GPC6: variants seen among roughly 807,000 people sequenced by gnomAD.
The protein encoded by GPC6 is glypican-6.
In GPC6, 14 loss-of-function variants were observed where a neutral mutation model predicts 55.2. The observed-to-expected ratio is 0.25, with a 90% CI of 0.17 to 0.40. The LOEUF (loss-of-function observed/expected upper bound fraction) is 0.40, where lower values mean the gene tolerates loss of function less well. GPC6 is among the 10% of genes least tolerant of loss of function. GPC6 has a pLI of 1.00. For missense variants in GPC6, 641 were observed against 708.5 expected (o/e 0.90, Z 1.08); for synonymous variants, 278 against 259.6 (o/e 1.07, Z -0.68).
In GPC6 at chr13:94,403,541, G is replaced by GTT. The variant is rs35614368; in HGVS notation, c.*333_*334dup. 3,231 of 254,866 alleles carry GTT rather than the reference G, an allele frequency of 0.013. 6 individuals are homozygous for GTT. The highest frequency in any genetic ancestry group is 0.031 in the East Asian group (298 of 9,732). The allele number at this position is 254,866 out of a possible 1,614,324, so 15.8% of individuals were successfully genotyped here. A position where few individuals can be genotyped will look rare whatever the true frequency, so the allele number is the denominator to read the frequency against. ...AGTAAAGGAATCTCACGTTGTGAGG[G>GTT]TTTTTTTTTTCTCATTTAAAATAAA... On this transcript the variant is annotated 3_prime_UTR_variant, in exon 9 of 9. Coordinates refer to ENST00000377047, the MANE Select transcript of GPC6 (RefSeq NM_005708.5).
At chr13:93,759,828 C>T (rs1183471565) in intron 2 of GPC6, among the ~76,000 whole-genome samples, 1 of 151,800 alleles carries the variant, frequency 6.6e-6, no homozygotes, top group Non-Finnish European at 1.5e-5. Context: ...TTCTTGGGGA[C>T]ACAGGTCTGG....
intron 2 of GPC6, among the ~76,000 whole-genome samples, chr13:93,744,170 G>A (rs1273773191): frequency 2.6e-5 from 4 of 152,100 alleles, no homozygotes; most frequent in Middle Eastern, 3.4e-3. Flanking sequence ...CTCTCCCGGC[G>A]GTTAACATTG....
intron 4 of GPC6, among the ~76,000 whole-genome samples, chr13:94,129,325 A>G (rs1886933429): frequency 6.6e-6 from 1 of 152,004 alleles, no homozygotes; most frequent in Non-Finnish European, 1.5e-5. Flanking sequence ...GCCTCTCTAT[A>G]AGCAGGGAAT....
At chr13:94,322,960 T>A (rs1876912517) in intron 6 of GPC6, among the ~76,000 whole-genome samples, 1 of 152,160 alleles carries the variant, frequency 6.6e-6, no homozygotes, top group Non-Finnish European at 1.5e-5. Context: ...CACATGTGTA[T>A]TTTGTTTCAT....
chr13:93,495,418 C>T (rs369230763), intron 1 of GPC6, among the ~76,000 whole-genome samples: 19,693 of 116,148 alleles, frequency 0.17, 1,847 homozygotes, highest in Middle Eastern at 0.25. Context: ...TCTAGTTATA[C>T]ATTCTTCTAA....
chr13:93,825,100 G>A (rs1413986849), intron 2 of GPC6, among the ~76,000 whole-genome samples: 1 of 152,114 alleles, frequency 6.6e-6, no homozygotes, highest in Non-Finnish European at 1.5e-5. Flanking sequence ...TCTATTAGTA[G>A]ACCTTGGAAT....
At chr13:93,510,476 G>A (rs1594224987) in intron 1 of GPC6, among the ~76,000 whole-genome samples, 1 of 152,140 alleles carries the variant, frequency 6.6e-6, no homozygotes, top group East Asian at 1.9e-4. Context: ...TTCCATCCAT[G>A]TTGCTGCAAA....
intron 2 of GPC6, among the ~76,000 whole-genome samples, chr13:93,557,673 A>G (rs1875554837): frequency 6.6e-6 from 1 of 152,152 alleles, no homozygotes; most frequent in Admixed American, 6.5e-5. Flanking sequence ...CCCCCTACAA[A>G]TAGCAGATTA....
At chr13:93,613,901 A>C (rs1878601050) in intron 2 of GPC6, among the ~76,000 whole-genome samples, 1 of 152,126 alleles carries the variant, frequency 6.6e-6, no homozygotes, top group Non-Finnish European at 1.5e-5. Context: ...TGCAGAAATG[A>C]TGTTTCTTTT....
intron 1 of GPC6, among the ~76,000 whole-genome samples, chr13:93,253,576 A>G (rs1266242064): frequency 6.6e-6 from 1 of 152,164 alleles, no homozygotes; most frequent in African/African-American, 2.4e-5. Context: ...CTAAAGGAGG[A>G]CAGGTGAAGG....
intron 1 of GPC6, among the ~76,000 whole-genome samples, chr13:93,228,843 T>C (rs1371339514): frequency 2.6e-5 from 4 of 152,168 alleles, no homozygotes; most frequent in Non-Finnish European, 5.9e-5. Flanking sequence ...TCTTAGAACA[T>C]CACAGTTTCG....
At chr13:94,314,823 T>C (rs1876438268) in intron 6 of GPC6, among the ~76,000 whole-genome samples, 1 of 152,216 alleles carries the variant, frequency 6.6e-6, no homozygotes, top group Admixed American at 6.5e-5. Flanking sequence ...TCAATCAGCT[T>C]CTAACAGACT....
intron 6 of GPC6, among the ~76,000 whole-genome samples, chr13:94,369,331 C>A (rs933147787): frequency 2.6e-4 from 40 of 152,180 alleles, no homozygotes; most frequent in Admixed American, 6.5e-4. Flanking sequence ...ACAGTGACTA[C>A]TCAGGAAAGA....
intron 3 of GPC6, among the ~76,000 whole-genome samples, chr13:93,919,634 G>T (rs752570094): frequency 2.6e-5 from 4 of 152,206 alleles, no homozygotes; most frequent in Non-Finnish European, 5.9e-5. Flanking sequence ...TAATGAACCT[G>T]GGAGTTTAGA....
intron 1 of GPC6, among the ~76,000 whole-genome samples, chr13:93,305,267 GTTTTGT>G (rs1416378548): frequency 1.3e-5 from 2 of 149,498 alleles, no homozygotes; most frequent in African/African-American, 4.9e-5. Flanking sequence ...GTGTGTTTTT[GTTTTGT>G]TTTGTTTTGT....
intron 1 of GPC6, among the ~76,000 whole-genome samples, chr13:93,242,189 C>G (rs1876456180): frequency 6.6e-6 from 1 of 152,048 alleles, no homozygotes; most frequent in South Asian, 2.1e-4. Context: ...TATGCAATAC[C>G]ACAATGGTGA....
At chr13:93,233,233 G>A (rs1433052870) in intron 1 of GPC6, among the ~76,000 whole-genome samples, 1 of 151,892 alleles carries the variant, frequency 6.6e-6, no homozygotes, top group African/African-American at 2.4e-5. Context: ...CCATAGTGGT[G>A]AGACTTGGGT....
intron 4 of GPC6, among the ~76,000 whole-genome samples, chr13:94,059,264 C>T (rs964730628): frequency 4.7e-5 from 7 of 150,242 alleles, no homozygotes; most frequent in African/African-American, 1.5e-4. Context: ...GCAAAAATAA[C>T]AATTGCTGGG....
At chr13:93,865,233 G>T (rs1242390948) in intron 3 of GPC6, among the ~76,000 whole-genome samples, 2 of 151,580 alleles carry the variant, frequency 1.3e-5, no homozygotes, top group Non-Finnish European at 3.0e-5. Context: ...ATAATCATGG[G>T]TCACTTCAAG....
Sources: gnomAD v4.1 joint callset for allele counts (sites outside exome capture counted in the v4.1 genomes callset) on GRCh38, gnomAD v4.1.1 for gene constraint, MANE v1.5 for transcripts, NCBI Gene and HGNC (gene_info 2026-07-23, HGNC 2026-07-21) for gene names.